The following WDFY2 variants were observed in gnomAD, a reference collection of about 807,000 sequenced individuals.
WDFY2 encodes the protein WD repeat and FYVE domain-containing protein 2.
Under a neutral mutation model 56.4 loss-of-function variants are expected in WDFY2, and 36 were observed. The ratio of observed to expected loss-of-function variants is 0.64; its 90% CI spans 0.49 to 0.84. The LOEUF (loss-of-function observed/expected upper bound fraction) is 0.84. Ranked by LOEUF, WDFY2 falls within the 40% of genes least tolerant of loss-of-function variation. The pLI is 0.00. For synonymous variants in WDFY2, 176 were observed against 183.7 expected (o/e 0.96, Z 0.34); for missense variants, 444 against 512.2 (o/e 0.87, Z 1.29).
At chr13:51,662,506 G>C (rs1955633994) in intron 2 of WDFY2, among the ~76,000 whole-genome samples, 3 of 152,144 alleles carry the variant, frequency 2.0e-5, no homozygotes, top group African/African-American at 7.2e-5. Flanking sequence ...AGCGTTAATA[G>C]GGACCTCATG....
At chr13:51,722,793 A>G (rs1250958279) in intron 5 of WDFY2, among the ~76,000 whole-genome samples, 1 of 152,230 alleles carries the variant, frequency 6.6e-6, no homozygotes, top group African/African-American at 2.4e-5. Context: ...CAAAGACCCC[A>G]TGGCAGGTAG....
intron 4 of WDFY2, among the ~76,000 whole-genome samples, chr13:51,718,531 C>G (rs1364090557): frequency 2.0e-5 from 3 of 150,040 alleles, no homozygotes; most frequent in African/African-American, 4.9e-5. Context: ...ATTAACAACT[C>G]TAGGAAATTT....
At chr13:51,684,366 G>C (rs1956025046) in intron 3 of WDFY2, among the ~76,000 whole-genome samples, 1 of 150,666 alleles carries the variant, frequency 6.6e-6, no homozygotes, top group African/African-American at 2.4e-5. Flanking sequence ...TGAGTATTTG[G>C]TGTTTTTTTT....
At chr13:51,619,024 A>G (rs1954676260) in intron 1 of WDFY2, among the ~76,000 whole-genome samples, 2 of 152,226 alleles carry the variant, frequency 1.3e-5, no homozygotes, top group African/African-American at 4.8e-5. Flanking sequence ...TATTACTCTA[A>G]TGGTGAGCTG....
intron 3 of WDFY2, among the ~76,000 whole-genome samples, chr13:51,702,212 T>C: frequency 6.6e-6 from 1 of 151,688 alleles, no homozygotes; most frequent in East Asian, 1.9e-4. Flanking sequence ...CTAGGGAGGC[T>C]GAGGCAGGAG....
intron 6 of WDFY2, among the ~76,000 whole-genome samples, chr13:51,737,416 AT>A (rs1952862390): frequency 6.6e-6 from 1 of 151,988 alleles, no homozygotes; most frequent in Non-Finnish European, 1.5e-5. Context: ...TCATTTGCCC[AT>A]TTGTCCAGGC....
At chr13:51,623,222 TA>T (rs529941138) in intron 1 of WDFY2, among the ~76,000 whole-genome samples, 14,815 of 145,696 alleles carry the variant, frequency 0.1, 1,046 homozygotes, top group Admixed American at 0.21. Context: ...GTAATTTTTC[TA>T]AAAAAAAAAA....
intron 1 of WDFY2, among the ~76,000 whole-genome samples, chr13:51,600,426 C>T (rs1954251294): frequency 1.3e-5 from 2 of 152,172 alleles, no homozygotes; most frequent in African/African-American, 4.8e-5. Flanking sequence ...TACTGCTCAT[C>T]GGTTTCTGTG....
At chr13:51,610,406 A>ATTGTATGAATTTG (rs1352236699) in intron 1 of WDFY2, among the ~76,000 whole-genome samples, 3 of 152,166 alleles carry the variant, frequency 2.0e-5, no homozygotes, top group Non-Finnish European at 2.9e-5. Flanking sequence ...AATTTCCTTT[A>ATTGTATGAATTTG]TTGTATGAAT....
At chr13:51,749,445 A>G (rs1464791818) in intron 7 of WDFY2, among the ~76,000 whole-genome samples, 1 of 152,180 alleles carries the variant, frequency 6.6e-6, no homozygotes, top group African/African-American at 2.4e-5. Flanking sequence ...CATTTAAATT[A>G]TAATAATTAA....
intron 1 of WDFY2, among the ~76,000 whole-genome samples, chr13:51,602,223 G>A (rs1394087141): frequency 6.6e-6 from 1 of 152,206 alleles, no homozygotes; most frequent in East Asian, 1.9e-4. Flanking sequence ...TTATAATGGA[G>A]CTGAAAAATT....
chr13:51,650,050 G>A (rs1383747027), intron 1 of WDFY2, among the ~76,000 whole-genome samples: 3 of 151,940 alleles, frequency 2.0e-5, no homozygotes, highest in African/African-American at 7.3e-5. Flanking sequence ...CTACCCATGA[G>A]CATGGAATGT....
chr13:51,657,081 G>T (rs778329955), intron 1 of WDFY2, among the ~76,000 whole-genome samples: 4 of 151,670 alleles, frequency 2.6e-5, no homozygotes, highest in African/African-American at 7.2e-5. Context: ...CTTCTTCTAC[G>T]TTTGATTTTT....
At chr13:51,625,287 A>G (rs1037321788) in intron 1 of WDFY2, among the ~76,000 whole-genome samples, 1 of 152,194 alleles carries the variant, frequency 6.6e-6, no homozygotes, top group Non-Finnish European at 1.5e-5. Flanking sequence ...TGATTGGACA[A>G]CACTTAAGCC....
intron 1 of WDFY2, among the ~76,000 whole-genome samples, chr13:51,650,647 C>G (rs1955361431): frequency 6.6e-6 from 1 of 152,128 alleles, no homozygotes; most frequent in African/African-American, 2.4e-5. Flanking sequence ...TTGTCAAAGG[C>G]CTTTTCTGCA....
At chr13:51,681,076 G>T (rs1259653444) in intron 3 of WDFY2, among the ~76,000 whole-genome samples, 2 of 152,112 alleles carry the variant, frequency 1.3e-5, no homozygotes, top group African/African-American at 4.8e-5. Context: ...CGAGCCTATG[G>T]GGAACTGAAC....
intron 1 of WDFY2, 107 bp downstream of exon 1, chr13:51,584,931 C>T: frequency 6.9e-7 from 1 of 1,458,272 alleles, no homozygotes; most frequent in Non-Finnish European, 9.2e-7. Flanking sequence ...TAGACTTGCT[C>T]CCCCAAGTTT....
intron 5 of WDFY2, 147 bp from the exon 6 acceptor site, chr13:51,727,531 T>C: frequency 1.5e-6 from 1 of 662,174 alleles, no homozygotes; most frequent in East Asian, 2.8e-5. Flanking sequence ...CTTCATTTAG[T>C]TAAGTTCACT....
In WDFY2 at chr13:51,755,276, T is replaced by C; in HGVS notation, c.832-82T>C. The C allele has an allele frequency of 2.4e-6, 3 of 1,270,978 alleles. No homozygotes were observed. In the Admixed American group the frequency reaches 5.3e-5, roughly 22 times the overall value. 78.7% of individuals were successfully genotyped at this position (1,270,978 alleles called of 1,614,324 possible). ...TTTCTTTTAAACACATCCTGATAGC[T>C]CCATAAGTTTCATCAGGGTCAGTGG... On this transcript the variant is annotated intron_variant, in intron 8 of 11. Transcript: ENST00000298125.
Sources: gnomAD v4.1 joint callset for allele counts (sites outside exome capture counted in the v4.1 genomes callset) on GRCh38, gnomAD v4.1.1 for gene constraint, MANE v1.5 for transcripts, NCBI Gene and HGNC (gene_info 2026-07-23, HGNC 2026-07-21) for gene names.